The following WWOX variants were observed in gnomAD, a reference collection of about 807,000 sequenced individuals.
The protein encoded by WWOX is WW domain containing oxidoreductase.
A neutral mutation model predicts 46.2 loss-of-function variants in WWOX; 69 were observed. The observed-to-expected ratio is 1.49, with a 90% CI of 1.23 to 1.82. The LOEUF is 1.82. Ranked by LOEUF, WWOX falls within the 40% of genes most tolerant of loss-of-function variation. The pLI is 0.00. For synonymous variants in WWOX, 359 were observed against 202.6 expected (o/e 1.77, Z -6.56); for missense variants, 919 against 542.6 (o/e 1.69, Z -6.89).
At chr16:78,720,151 A>T (rs555822605) in intron 8 of WWOX, among the ~76,000 whole-genome samples, 35 of 152,246 alleles carry the variant, frequency 2.3e-4, no homozygotes, top group Non-Finnish European at 4.6e-4. Context: ...TTCTTGCCCT[A>T]ATTTTAAATG....
intron 5 of WWOX, among the ~76,000 whole-genome samples, chr16:78,261,817 T>TATATATATATATATATAC (rs1567464802): frequency 6.8e-5 from 10 of 146,150 alleles, no homozygotes; most frequent in African/African-American, 2.3e-4. Context: ...TATATATATA[T>TATATATATATATATATAC]ACTTATAATG....
intron 8 of WWOX, among the ~76,000 whole-genome samples, chr16:78,455,338 T>G (rs1361887950): frequency 6.6e-6 from 1 of 152,008 alleles, no homozygotes; most frequent in Non-Finnish European, 1.5e-5. Context: ...GATATTCTAA[T>G]CTAATATTTT....
At chr16:78,900,052 C>G (rs1302842182) in intron 8 of WWOX, among the ~76,000 whole-genome samples, 2 of 141,862 alleles carry the variant, frequency 1.4e-5, no homozygotes, top group South Asian at 2.2e-4. Flanking sequence ...TACAAGCCCT[C>G]CTGACTTTTT....
At chr16:78,810,382 C>G (rs766453385) in intron 8 of WWOX, among the ~76,000 whole-genome samples, 6 of 152,180 alleles carry the variant, frequency 3.9e-5, no homozygotes, top group Non-Finnish European at 8.8e-5. Context: ...TGCAGCCACA[C>G]TTGTTTTTAA....
At chr16:78,352,879 A>G (rs897796955) in intron 5 of WWOX, among the ~76,000 whole-genome samples, 6 of 152,186 alleles carry the variant, frequency 3.9e-5, no homozygotes, top group African/African-American at 1.4e-4. Flanking sequence ...TTGGCTGTAC[A>G]AAGAAACTGG....
At chr16:78,633,788 T>C (rs570535333) in intron 8 of WWOX, among the ~76,000 whole-genome samples, 1 of 152,158 alleles carries the variant, frequency 6.6e-6, no homozygotes, top group Admixed American at 6.5e-5. Context: ...TGGTGTGCGG[T>C]GCAACCCGGG....
chr16:78,365,711 C>A (rs971329079), intron 5 of WWOX, among the ~76,000 whole-genome samples: 1 of 152,128 alleles, frequency 6.6e-6, no homozygotes, highest in South Asian at 2.1e-4. Flanking sequence ...TCATTAGTAA[C>A]TTTTCTGTAA....
At chr16:79,022,511 C>T (rs56135831) in intron 8 of WWOX, among the ~76,000 whole-genome samples, 2,454 of 152,074 alleles carry the variant, frequency 0.016, 40 homozygotes, top group Middle Eastern at 0.041. Context: ...CATTATATTC[C>T]GAAAGCATAT....
intron 8 of WWOX, among the ~76,000 whole-genome samples, chr16:78,726,193 C>T (rs889989888): frequency 2.8e-5 from 4 of 145,088 alleles, no homozygotes; most frequent in African/African-American, 7.6e-5. Context: ...TCTCTCTTTC[C>T]TTCCTTCCTT....
chr16:78,728,581 A>T (rs1271707394), intron 8 of WWOX, among the ~76,000 whole-genome samples: 1 of 152,296 alleles, frequency 6.6e-6, no homozygotes, highest in African/African-American at 2.4e-5. Flanking sequence ...TAAGTAGTCA[A>T]GTGACACCTT....
rs1265805067 is a variant in WWOX, at chr16:78,842,802, A to C, written c.1057-368806A>C. Among the ~76,000 whole-genome samples, 4 of 150,958 alleles carry C rather than the reference A, an allele frequency of 2.6e-5. 1 individual carries two copies. The East Asian group carries it at 7.8e-4, about 29-fold the overall frequency. On this transcript the variant is annotated intron_variant, in intron 8 of 8. Coordinates refer to ENST00000566780, the MANE Select transcript of WWOX (RefSeq NM_016373.4). ...AGGAGGCGGAGGTTGCAGTCAACCA[A>C]GATCACGCCACTGCACACCAGCCGG...
chr16:78,724,669 T>A (rs2048781397), intron 8 of WWOX, among the ~76,000 whole-genome samples: 1 of 152,200 alleles, frequency 6.6e-6, no homozygotes, highest in African/African-American at 2.4e-5. Context: ...CCTCTCAGTT[T>A]ACATCAAAAT....
At chr16:78,719,112 A>T (rs926340723) in intron 8 of WWOX, among the ~76,000 whole-genome samples, 1 of 152,214 alleles carries the variant, frequency 6.6e-6, no homozygotes, top group Admixed American at 6.5e-5. Context: ...AACTGGTTTC[A>T]AATCCAAGCC....
intron 7 of WWOX, among the ~76,000 whole-genome samples, chr16:78,425,656 C>T (rs1199156614): frequency 6.6e-6 from 1 of 152,198 alleles, no homozygotes; most frequent in Non-Finnish European, 1.5e-5. Context: ...AAAATTTCCT[C>T]GTATTTTCAG....
rs1050922870 is a variant in WWOX at position 78,685,182 on chromosome 16, G to C, written c.1056+252430G>C. On this transcript the variant is annotated intron_variant, in intron 8 of 8. Coordinates refer to ENST00000566780, the MANE Select transcript of WWOX (RefSeq NM_016373.4). ...TTATGACCCTGGGAGGACTGGGAGA[G>C]ATCTGTGAGGTCATCTTGTCCACCC... 4.6e-5 allele frequency among the ~76,000 whole-genome samples: 7 copies of C among 152,196 alleles called. No individual in the cohort carries two copies. The East Asian group carries it at 1.3e-3, about 29-fold the overall frequency.
intron 8 of WWOX, among the ~76,000 whole-genome samples, chr16:78,934,577 G>A (rs1257234544): frequency 6.9e-6 from 1 of 143,894 alleles, no homozygotes; most frequent in African/African-American, 2.6e-5. Context: ...AACATGATTA[G>A]AAGCTAGCAT....
At chr16:79,198,993 T>G (rs1460892285) in intron 8 of WWOX, among the ~76,000 whole-genome samples, 1 of 152,226 alleles carries the variant, frequency 6.6e-6, no homozygotes, top group Non-Finnish European at 1.5e-5. Context: ...GTTCAGCTCC[T>G]AACTCTGTCA....
Position 79,098,483 on chromosome 16 carries a change from A to T in WWOX, c.1057-113125A>T, listed in dbSNP as rs529377619. Among the ~76,000 whole-genome samples the T allele has an allele frequency of 2.0e-5, 3 of 152,376 alleles. No homozygotes were observed. In the South Asian group the frequency reaches 6.2e-4, roughly 32 times the overall value. ...AACTGTCTGGAAAGAAAAGAAGGTC[A>T]TTGGAATCTTCTTCACCCCTTCCCT... On this transcript the variant is annotated intron_variant, in intron 8 of 8. Coordinates refer to ENST00000566780, the MANE Select transcript of WWOX (RefSeq NM_016373.4).
intron 7 of WWOX, among the ~76,000 whole-genome samples, chr16:78,428,833 C>G (rs111269950): frequency 1.2e-4 from 19 of 152,230 alleles, no homozygotes; most frequent in African/African-American, 4.3e-4. Flanking sequence ...AAAGCAAGAC[C>G]TTGTCTCTAA....
Sources: allele counts gnomAD v4.1 joint callset (sites outside exome capture counted in the v4.1 genomes callset), GRCh38; gene constraint gnomAD v4.1.1; transcripts MANE v1.5; gene names NCBI Gene and HGNC (gene_info 2026-07-23, HGNC 2026-07-21).